The following MAP1S variants were observed in gnomAD, a reference collection of about 807,000 sequenced individuals.
MAP1S encodes the protein microtubule-associated protein 1S.
MAP1S carries 27 observed loss-of-function variants against 60.9 expected under a neutral mutation model. That is an observed-to-expected ratio of 0.44 (90% CI 0.33 to 0.61). The LOEUF is 0.61. Ranked by LOEUF, MAP1S falls within the 20% of genes least tolerant of loss-of-function variation. The probability of loss-of-function intolerance (pLI) is 0.03; values close to 1 mark genes in which losing one functional copy is unlikely to be tolerated. For synonymous variants in MAP1S, 826 were observed against 694.2 expected, an observed-to-expected ratio of 1.19 and a Z score of -2.98; for missense variants, 1,608 against 1,486.6, an observed-to-expected ratio of 1.08 and a Z score of -1.34.
chr19:17,726,809 C>G lies in MAP1S; in HGVS notation c.1425C>G (p.Ser475Arg). 6.4e-7 allele frequency: 1 copy of G among 1,556,970 alleles called. No individual in the cohort carries two copies. Among genetic ancestry groups the G allele is most frequent in the South Asian group, 1.2e-5 (1 of 84,734 alleles). ...CGGGGCGAGCCGAGAGCAAAGAGAGCGTGGGCTCCCGGGACAGCTCGAAGA... is the reference window on the plus strand; with the variant it reads ...CGGGGCGAGCCGAGAGCAAAGAGAGGGTGGGCTCCCGGGACAGCTCGAAGA... ...EGPGRAESKE[S>R]VGSRDSSKRE... The change falls in exon 5 of 7, where the codon AGC (serine) becomes AGG (arginine). Residue 475 changes from serine (S) to arginine (R), a missense_variant. By Grantham distance (110) the Ser-to-Arg change is moderately radical (BLOSUM62 -1). This residue lies in a region of MAP1S where 1,167 missense variants were observed against 961.4 expected (regional missense o/e 1.21). Transcript: ENST00000324096.
intron 5 of MAP1S, among the ~76,000 whole-genome samples, chr19:17,732,702 C>T (rs2080502649): frequency 6.6e-6 from 1 of 152,214 alleles, no homozygotes; most frequent in African/African-American, 2.4e-5. Context: ...ACAAATGCTG[C>T]AGAAGCAGCA....
chr19:17,720,586 G>T, intron 1 of MAP1S: 1 of 1,335,838 alleles, frequency 7.5e-7, no homozygotes, highest in Non-Finnish European at 9.9e-7. Flanking sequence ...TGGCCAGTAG[G>T]AACAGGTGGG....
chr19:17,719,753 T>A, intron 1 of MAP1S, 133 bp downstream of exon 1: 1 of 240,100 alleles, frequency 4.2e-6, no homozygotes, highest in Non-Finnish European at 6.8e-6. Context: ...GTCGCGGGCC[T>A]GGGGCTGGGT....
At position 17,734,455 on chromosome 19, in the gene MAP1S, A is replaced by G; in HGVS notation, c.*27A>G. The G allele has an allele frequency of 6.3e-7, 1 of 1,589,288 alleles. No homozygotes were observed. The highest frequency in any genetic ancestry group is 8.6e-7 in the Non-Finnish European group (1 of 1,165,944). ...CCCATCGCCGACACGCCCCCCACTC[A>G]GCCCAGCCCGCCTGTCCCTAGATTC... is the stretch of plus-strand genomic sequence containing the variant. On this transcript the variant is annotated 3_prime_UTR_variant, in exon 7 of 7. Coordinates refer to ENST00000324096, the MANE Select transcript of MAP1S (RefSeq NM_018174.6).
intron 2 of MAP1S, chr19:17,721,329 C>G (rs1482873024): frequency 1.2e-5 from 5 of 409,968 alleles, no homozygotes; most frequent in Non-Finnish European, 2.3e-5. Flanking sequence ...ACTGCTATGA[C>G]TGGTGTGTCC....
Position 17,733,416 on chromosome 19 carries a change from C to T in MAP1S, c.3012C>T (p.Asp1004=), listed in dbSNP as rs779440519. The T allele has an allele frequency of 2.5e-5, 40 of 1,601,258 alleles. No homozygotes were observed. The Middle Eastern group carries it at 1.9e-3, about 77-fold the overall frequency. ...DALLASKQHW[D]RDLQVTLIPT... is the part of the protein sequence containing the mutation. The stretch of plus-strand genomic sequence containing the variant: ...TACTGGCCAGCAAGCAGCATTGGGA[C>T]CGTGACCTGCAGGTGCGTGTCACCC... The change falls in exon 6 of 7, where the codon GAC becomes GAT. Residue 1004 remains aspartate (D), a synonymous_variant. Transcript: ENST00000324096.
At position 17,725,253 on chromosome 19, in the gene MAP1S, C is replaced by G; in HGVS notation, c.444+64C>G. Reference sequence around the variant, plus strand: ...TGAATCCTGACTGGGGTGTATCAGGCTGTGTGGCACCAGCGACCTGCTGTT... The same window carrying G: ...TGAATCCTGACTGGGGTGTATCAGGGTGTGTGGCACCAGCGACCTGCTGTT... On this transcript the variant is annotated intron_variant, in intron 4 of 6. Coordinates refer to ENST00000324096, the MANE Select transcript of MAP1S (RefSeq NM_018174.6). The surrounding 1 kb of genome is among the most constrained non-coding windows in gnomAD (Gnocchi z 4.2). The G allele has an allele frequency of 6.5e-7, 1 of 1,534,506 alleles. No homozygotes were observed. The highest frequency in any genetic ancestry group is 8.8e-7 in the Non-Finnish European group (1 of 1,138,956).
rs556293472 is a variant in MAP1S, at chr19:17,731,140, C to G, written c.2789-2053C>G. Among the ~76,000 whole-genome samples the G allele has an allele frequency of 2.6e-5, 4 of 152,054 alleles. No individual in the cohort carries two copies. The South Asian group carries it at 8.3e-4, about 32-fold the overall frequency. On this transcript the variant is annotated intron_variant, in intron 5 of 6. Transcript: ENST00000324096. ...AAACTCCTGACCTCAAGTGATCTGCCCGCCTCGGCCTCCCAGAGTACTAAG... is the reference window on the plus strand; with the variant it reads ...AAACTCCTGACCTCAAGTGATCTGCGCGCCTCGGCCTCCCAGAGTACTAAG...
rs1568293596 is a variant in MAP1S at position 17,727,134 on chromosome 19, C to G, written c.1750C>G (p.Pro584Ala). The G allele has an allele frequency of 1.9e-6, 3 of 1,593,296 alleles. No individual in the cohort carries two copies. Among genetic ancestry groups the G allele is most frequent in the Non-Finnish European group, 1.7e-6 (2 of 1,173,090 alleles). The change falls in exon 5 of 7, where the codon CCC (proline) becomes GCC (alanine). Residue 584 changes from proline to alanine, a missense_variant. Pro to Ala is a conservative substitution (Grantham distance 27). This residue lies in a region of MAP1S where 1,167 missense variants were observed against 961.4 expected (regional missense o/e 1.21). Transcript: ENST00000324096. This position sits in a 1 kb window ranked among gnomAD's most constrained non-coding sequence, Gnocchi z 4.1. Reference sequence around the variant, plus strand: ...GGTGGCAAATGGACCCCGCAGCCCGCCCAGCCTCCGATGTGGAGAAGCCAG... The same window carrying G: ...GGTGGCAAATGGACCCCGCAGCCCGGCCAGCCTCCGATGTGGAGAAGCCAG... ...PPVANGPRSP[P>A]SLRCGEASPP...
rs578105549 is a variant in MAP1S at position 17,729,467 on chromosome 19, C to T, written c.2788+1295C>T. ...ACCAGCCAAAGGCTCACATTTTAAG[C>T]AGGCCTTGCTGAGAGGAGGGTCTCT... On this transcript the variant is annotated intron_variant, in intron 5 of 6. Coordinates refer to ENST00000324096, the MANE Select transcript of MAP1S (RefSeq NM_018174.6). Among the ~76,000 whole-genome samples the T allele has an allele frequency of 5.3e-5, 8 of 152,276 alleles. No individual in the cohort carries two copies. The South Asian group carries it at 1.7e-3, about 32-fold the overall frequency.
chr19:17,721,265 A>G (rs1414230357), intron 2 of MAP1S: 5 of 548,870 alleles, frequency 9.1e-6, no homozygotes, highest in Middle Eastern at 5.0e-4. Flanking sequence ...GGAAATTGGC[A>G]TTGAAGGGGG....
chr19:17,730,782 G>A (rs7253643), intron 5 of MAP1S, among the ~76,000 whole-genome samples: 42,917 of 151,902 alleles, frequency 0.28, 7,299 homozygotes, highest in African/African-American at 0.48. Flanking sequence ...ATGCACAAAA[G>A]TTTTAAATTC....
At chr19:17,720,530 G>A (rs1345657682) in intron 1 of MAP1S, 9 of 1,484,560 alleles carry the variant, frequency 6.1e-6, no homozygotes, top group African/African-American at 5.6e-5. Flanking sequence ...GGACTGAGAG[G>A]ACAGTCAGTC....
At chr19:17,722,798 GGA>G (rs540583679) in intron 2 of MAP1S, among the ~76,000 whole-genome samples, 80 of 149,648 alleles carry the variant, frequency 5.3e-4, no homozygotes, top group African/African-American at 1.3e-3. Context: ...GGAGAGGGAG[GGA>G]GAGAGAGAGA....
chr19:17,720,399 G>A, intron 1 of MAP1S: 1 of 1,535,242 alleles, frequency 6.5e-7, no homozygotes, highest in South Asian at 1.2e-5. Context: ...ATATGGCCGG[G>A]ATGATAGACA....
At position 17,727,987 on chromosome 19, in the gene MAP1S, G is replaced by T; in HGVS notation, c.2603G>T (p.Arg868Leu). The T allele has an allele frequency of 6.2e-7, 1 of 1,610,052 alleles. No individual in the cohort carries two copies. Among genetic ancestry groups the T allele is most frequent in the East Asian group, 2.2e-5 (1 of 44,732 alleles). Residue 868 changes from arginine (R) to leucine (L), a missense_variant, in exon 5 of 7, where the codon CGC (arginine) becomes CTC (leucine). Around this residue, in one of 4 missense-constraint regions of MAP1S, gnomAD observed 1,167 missense variants for 961.4 expected, o/e 1.21. Coordinates refer to ENST00000324096, the MANE Select transcript of MAP1S (RefSeq NM_018174.6). This position sits in a 1 kb window ranked among gnomAD's most constrained non-coding sequence, Gnocchi z 4.1. ...AGCCGCACCCGGAAGCCCCTGGCCC[G>T]CCCCAACTCACGCGCTGCCGCCCCC... ...NVSRTRKPLA[R>L]PNSRAAAPKA...
Position 17,719,549 on chromosome 19 carries a change from T to A in MAP1S, c.47T>A (p.Leu16Gln). 4.8e-6 allele frequency: 6 copies of A among 1,245,942 alleles called. No individual in the cohort carries two copies. The highest frequency in any genetic ancestry group is 6.1e-6 in the Non-Finnish European group (6 of 987,416). 77.2% of individuals were successfully genotyped at this position (1,245,942 alleles called of 1,614,324 possible). The change falls in exon 1 of 7, where the codon CTG becomes CAG. Residue 16 changes from leucine (L) to glutamine (Q), a missense_variant. Around this residue, in one of 4 missense-constraint regions of MAP1S, gnomAD observed 45 missense variants for 22.0 expected, o/e 2.04. Transcript: ENST00000324096. ...GGGGCTGCCGCGGCTCCGAGCTCAC[T>A]GCTCCTCGTGGTGGGCAGCGAGTTC... ...GSGAAAAPSS[L>Q]LLVVGSEFGS...
rs373371182 is a variant in MAP1S, at chr19:17,727,721, C to T, written c.2337C>T (p.Ala779=). ...RSQERAGGLG[A]EETPPTSVSE... Reference sequence around the variant, plus strand: ...AGGAACGGGCAGGTGGGCTGGGGGCCGAGGAGACGCCACCCACATCGGTCA... The same window carrying T: ...AGGAACGGGCAGGTGGGCTGGGGGCTGAGGAGACGCCACCCACATCGGTCA... Residue 779 remains alanine, a synonymous_variant, in exon 5 of 7, where the codon GCC becomes GCT. Coordinates refer to ENST00000324096, the MANE Select transcript of MAP1S (RefSeq NM_018174.6). This position sits in a 1 kb window ranked among gnomAD's most constrained non-coding sequence, Gnocchi z 4.1. The T allele has an allele frequency of 3.5e-5, 57 of 1,605,822 alleles. No homozygotes were observed. Among genetic ancestry groups the T allele is most frequent in the Non-Finnish European group, 4.6e-5 (54 of 1,176,696 alleles).
rs1299137879 is a variant in MAP1S, at chr19:17,726,831, A to G, written c.1447A>G (p.Lys483Glu). 13 of 1,554,976 alleles carry G rather than the reference A, an allele frequency of 8.4e-6. No individual in the cohort carries two copies. The highest frequency in any genetic ancestry group is 1.2e-5 in the South Asian group (1 of 84,568). The change falls in exon 5 of 7, where the codon AAG becomes GAG. Residue 483 changes from lysine to glutamate, a missense_variant. Physicochemically the swap from Lys to Glu is moderately conservative, Grantham distance 56. Coordinates refer to ENST00000324096, the MANE Select transcript of MAP1S (RefSeq NM_018174.6). ...GAGCGTGGGCTCCCGGGACAGCTCG[A>G]AGAGAGAGGGCCTCCTGGCCACCCA... ...KESVGSRDSS[K>E]REGLLATHPR...
Sources: allele counts gnomAD v4.1 joint callset (sites outside exome capture counted in the v4.1 genomes callset), GRCh38; gene constraint gnomAD v4.1.1; regional missense constraint gnomAD v4.1.1; non-coding constraint Gnocchi (gnomAD v3.1); transcripts MANE v1.5; gene names NCBI Gene and HGNC (gene_info 2026-07-23, HGNC 2026-07-21).